CTNND2: variants seen among roughly 807,000 people sequenced by gnomAD.
The protein encoded by CTNND2 is catenin delta 2, also known as catenin delta-2.
Under a neutral mutation model 144.4 loss-of-function variants are expected in CTNND2, and 22 were observed. The observed-to-expected ratio is 0.15, with a 90% confidence interval of 0.11 to 0.22. The LOEUF is 0.22. Among genes scored for constraint, CTNND2 ranks in the 10% least tolerant of loss-of-function variants. The pLI is 1.00. For synonymous variants in CTNND2, 751 were observed against 695.6 expected (o/e 1.08, Z -1.25); for missense variants, 1,353 against 1,618.8 (o/e 0.84, Z 2.82).
At chr5:11,581,631 G>C (rs1252932680) in intron 2 of CTNND2, among the ~76,000 whole-genome samples, 2 of 152,136 alleles carry the variant, frequency 1.3e-5, no homozygotes. Flanking sequence ...GGTGGTGATG[G>C]ACTCCTTTGC....
chr5:11,874,565 G>A (rs1205227253), intron 1 of CTNND2, among the ~76,000 whole-genome samples: 3 of 152,138 alleles, frequency 2.0e-5, no homozygotes, highest in Non-Finnish European at 4.4e-5. Context: ...CACCAAGACA[G>A]TTCATAAGTG....
chr5:11,557,079 GAATA>G (rs1397609178), intron 3 of CTNND2, among the ~76,000 whole-genome samples: 1 of 151,968 alleles, frequency 6.6e-6, no homozygotes, highest in African/African-American at 2.4e-5. Context: ...CTTTTGAAGG[GAATA>G]AATATTGTCA....
chr5:11,746,963 C>T (rs944741837), intron 1 of CTNND2, among the ~76,000 whole-genome samples: 2 of 152,010 alleles, frequency 1.3e-5, no homozygotes, highest in African/African-American at 2.4e-5. Context: ...TAGAAATATT[C>T]AAATTAATGA....
At chr5:11,591,555 C>T (rs201680703) in intron 2 of CTNND2, among the ~76,000 whole-genome samples, 4 of 150,732 alleles carry the variant, frequency 2.7e-5, no homozygotes, top group East Asian at 2.0e-4. Flanking sequence ...CTATTTTTTT[C>T]TTTTTTTTGA....
intron 3 of CTNND2, among the ~76,000 whole-genome samples, chr5:11,432,394 A>G (rs1478169164): frequency 2.0e-5 from 3 of 152,120 alleles, no homozygotes; most frequent in Non-Finnish European, 4.4e-5. Flanking sequence ...AGATGGCAGA[A>G]TGGAGGGAAA....
Position 11,346,638 on chromosome 5 carries a change from A to T in CTNND2, c.1373-11T>A. ...CAGGGGAAGATGGGGCTACGACAGGAAAGTAGGGACAAAGTAAAAAATTGA... is the reference window on the plus strand; with the variant it reads ...CAGGGGAAGATGGGGCTACGACAGGTAAGTAGGGACAAAGTAAAAAATTGA... On this transcript the variant is annotated splice_polypyrimidine_tract_variant and intron_variant, in intron 8 of 21. Coordinates refer to ENST00000304623, the MANE Select transcript of CTNND2 (RefSeq NM_001332.4). The T allele has an allele frequency of 1.4e-6, 2 of 1,456,232 alleles. No individual in the cohort carries two copies. The highest frequency in any genetic ancestry group is 1.8e-6 in the Non-Finnish European group (2 of 1,100,778). The allele number at this position is 1,456,232 out of a possible 1,614,324, so 90.2% of individuals were successfully genotyped here.
chr5:11,147,178 C>G (rs938952775), intron 12 of CTNND2, among the ~76,000 whole-genome samples: 2 of 152,192 alleles, frequency 1.3e-5, no homozygotes, highest in Admixed American at 1.3e-4. Context: ...GAGAATGTCA[C>G]TTGTGAAGTG....
At chr5:11,584,127 T>G (rs903118625) in intron 2 of CTNND2, among the ~76,000 whole-genome samples, 1 of 152,216 alleles carries the variant, frequency 6.6e-6, no homozygotes, top group Non-Finnish European at 1.5e-5. Context: ...TGATGAAAAT[T>G]ACCAGAAATT....
chr5:11,441,696 G>C (rs1017236213), intron 3 of CTNND2, among the ~76,000 whole-genome samples: 1 of 136,698 alleles, frequency 7.3e-6, no homozygotes, highest in Non-Finnish European at 1.5e-5. Context: ...CACTTGGCCC[G>C]GTCTATCCAA....
At chr5:11,651,698 A>G (rs185318519) in intron 2 of CTNND2, among the ~76,000 whole-genome samples, 2 of 152,318 alleles carry the variant, frequency 1.3e-5, no homozygotes, top group East Asian at 3.9e-4. Flanking sequence ...GATGTGAGCA[A>G]TGGAGTCAAA....
At chr5:11,286,322 G>T (rs1747748846) in intron 9 of CTNND2, among the ~76,000 whole-genome samples, 1 of 152,108 alleles carries the variant, frequency 6.6e-6, no homozygotes, top group Non-Finnish European at 1.5e-5. Flanking sequence ...CTCCTATATA[G>T]TTAATAATGG....
At chr5:11,431,893 C>T (rs912172447) in intron 3 of CTNND2, among the ~76,000 whole-genome samples, 7 of 152,078 alleles carry the variant, frequency 4.6e-5, no homozygotes, top group African/African-American at 1.2e-4. Flanking sequence ...ACGCACAGCA[C>T]GGAAGCACTC....
At chr5:11,159,966 T>C (rs1431962455) in intron 11 of CTNND2, among the ~76,000 whole-genome samples, 7 of 152,218 alleles carry the variant, frequency 4.6e-5, no homozygotes, top group Non-Finnish European at 8.8e-5. Context: ...GCAGAGGAAC[T>C]GTGACATGAT....
At chr5:11,717,793 ATGGGAACAGTATGGG>A (rs1226036154) in intron 2 of CTNND2, among the ~76,000 whole-genome samples, 2 of 152,118 alleles carry the variant, frequency 1.3e-5, no homozygotes, top group South Asian at 4.2e-4. Flanking sequence ...ATTTACTACC[ATGGGAACAGTATGGG>A]GGAAACTGCC....
intron 12 of CTNND2, among the ~76,000 whole-genome samples, chr5:11,124,756 T>A (rs1754500761): frequency 6.6e-6 from 1 of 152,228 alleles, no homozygotes; most frequent in Admixed American, 6.5e-5. Flanking sequence ...GGAGGGTGTC[T>A]GTGAACTCCT....
At chr5:11,719,867 C>T (rs1005079961) in intron 2 of CTNND2, among the ~76,000 whole-genome samples, 2 of 149,608 alleles carry the variant, frequency 1.3e-5, no homozygotes, top group Non-Finnish European at 3.0e-5. Context: ...CACACACACA[C>T]ACACACACAC....
intron 10 of CTNND2, among the ~76,000 whole-genome samples, chr5:11,229,357 T>C (rs562523015): frequency 3.1e-4 from 47 of 152,296 alleles, no homozygotes; most frequent in African/African-American, 1.1e-3. Context: ...TATTAACTTA[T>C]AACAAAATAA....
chr5:11,602,081 G>GA (rs1271051895), intron 2 of CTNND2, among the ~76,000 whole-genome samples: 1 of 151,932 alleles, frequency 6.6e-6, no homozygotes, highest in Non-Finnish European at 1.5e-5. Flanking sequence ...ATAATAAAGG[G>GA]ATGTAAAGCA....
chr5:11,105,423 C>G (rs999704773), intron 14 of CTNND2, among the ~76,000 whole-genome samples: 13 of 152,178 alleles, frequency 8.5e-5, no homozygotes, highest in African/African-American at 3.1e-4. Context: ...CTACTGGCAT[C>G]CAGTGGGTAG....
Sources: gnomAD v4.1 joint callset for allele counts (sites outside exome capture counted in the v4.1 genomes callset) on GRCh38, gnomAD v4.1.1 for gene constraint, MANE v1.5 for transcripts, NCBI Gene and HGNC (gene_info 2026-07-23, HGNC 2026-07-21) for gene names.